STAG1: variants seen among roughly 807,000 people sequenced by gnomAD.
The protein encoded by STAG1 is cohesin subunit SA-1.
In STAG1, 26 loss-of-function variants were observed where a neutral mutation model predicts 170.9. The ratio of observed to expected loss-of-function variants is 0.15; its 90% CI spans 0.11 to 0.21. The LOEUF is 0.21. Ranked by LOEUF, STAG1 falls within the 10% of genes least tolerant of loss-of-function variation. The pLI, the probability that STAG1 is intolerant of heterozygous loss-of-function variation, is 1.00. For synonymous variants in STAG1, 514 were observed against 497.7 expected, an observed-to-expected ratio of 1.03 and a Z score of -0.44; for missense variants, 964 against 1,509.5, an observed-to-expected ratio of 0.64 and a Z score of 5.99.
At chr3:136,580,431 A>C (rs1937566400) in intron 4 of STAG1, among the ~76,000 whole-genome samples, 1 of 152,190 alleles carries the variant, frequency 6.6e-6, no homozygotes, top group Non-Finnish European at 1.5e-5. Flanking sequence ...CTAAACAGTA[A>C]AAAGGTGGCT....
intron 1 of STAG1, among the ~76,000 whole-genome samples, chr3:136,741,613 C>T (rs971120279): frequency 6.6e-6 from 1 of 152,130 alleles, no homozygotes; most frequent in South Asian, 2.1e-4. Context: ...GGATTACAGG[C>T]GCCCACCACA....
At chr3:136,403,718 T>C (rs1285436930) in intron 21 of STAG1, among the ~76,000 whole-genome samples, 1 of 152,212 alleles carries the variant, frequency 6.6e-6, no homozygotes, top group Non-Finnish European at 1.5e-5. Context: ...TATCACTTCC[T>C]TTCCTTCTAC....
At chr3:136,457,167 G>A (rs928304649) in intron 13 of STAG1, among the ~76,000 whole-genome samples, 3 of 152,106 alleles carry the variant, frequency 2.0e-5, no homozygotes, top group Admixed American at 6.5e-5. Flanking sequence ...CTGTGCCAAA[G>A]GGTGGAAGGC....
At chr3:136,493,488 C>T (rs1467694531) in intron 9 of STAG1, among the ~76,000 whole-genome samples, 1 of 151,714 alleles carries the variant, frequency 6.6e-6, no homozygotes, top group Admixed American at 6.6e-5. Flanking sequence ...AACCCTGACT[C>T]TACAAAAATA....
At position 136,634,874 on chromosome 3, in the gene STAG1, G is replaced by A. The variant is rs1313834961; in HGVS notation, c.-83-3893C>T. Among the ~76,000 whole-genome samples, 5 of 151,974 alleles carry A rather than the reference G, an allele frequency of 3.3e-5. No individual in the cohort carries two copies. The South Asian group carries it at 6.2e-4, about 19-fold the overall frequency. ...CAAAAGAATACGGTAAACAACATAT[G>A]TCCACAAATTTAGTAACATATTAAA... is the stretch of plus-strand genomic sequence containing the variant. On this transcript the variant is annotated intron_variant, in intron 1 of 33. Transcript: ENST00000383202.
intron 1 of STAG1, among the ~76,000 whole-genome samples, chr3:136,647,984 T>C (rs1484644364): frequency 6.6e-6 from 1 of 152,246 alleles, no homozygotes; most frequent in African/African-American, 2.4e-5. Context: ...TTTATAGATA[T>C]ATACTACAGT....
chr3:136,477,509 T>C (rs539300423), intron 9 of STAG1, 97 bp from the exon 10 acceptor site: 24 of 1,125,030 alleles, frequency 2.1e-5, no homozygotes, highest in Middle Eastern at 3.1e-4. Flanking sequence ...CTAATGCTGT[T>C]TGTATATATT....
At chr3:136,390,904 T>C (rs1052635292) in intron 22 of STAG1, among the ~76,000 whole-genome samples, 2 of 152,098 alleles carry the variant, frequency 1.3e-5, no homozygotes, top group Non-Finnish European at 2.9e-5. Context: ...TCTAACACAT[T>C]TGTAGGAATG....
At chr3:136,557,182 G>C (rs2107746380) in intron 5 of STAG1, among the ~76,000 whole-genome samples, 1 of 152,230 alleles carries the variant, frequency 6.6e-6, no homozygotes, top group South Asian at 2.1e-4. Context: ...AGGCTGCAGT[G>C]AGTCAAGATC....
At chr3:136,699,840 G>A (rs1000917980) in intron 1 of STAG1, among the ~76,000 whole-genome samples, 1 of 151,704 alleles carries the variant, frequency 6.6e-6, no homozygotes, top group East Asian at 1.9e-4. Flanking sequence ...TATACAAAAC[G>A]ATCACTTCCA....
At chr3:136,562,619 C>T in intron 5 of STAG1, among the ~76,000 whole-genome samples, 1 of 152,024 alleles carries the variant, frequency 6.6e-6, no homozygotes, top group Non-Finnish European at 1.5e-5. Flanking sequence ...CAGAGTTTTG[C>T]TCCTGTTGCC....
chr3:136,473,149 A>G (rs1027072819), intron 11 of STAG1, among the ~76,000 whole-genome samples: 18 of 152,134 alleles, frequency 1.2e-4, no homozygotes, highest in African/African-American at 4.3e-4. Flanking sequence ...CCTTATGAGA[A>G]TCTAATGCCT....
At chr3:136,740,654 T>C (rs1934618334) in intron 1 of STAG1, among the ~76,000 whole-genome samples, 1 of 152,126 alleles carries the variant, frequency 6.6e-6, no homozygotes, top group African/African-American at 2.4e-5. Context: ...TAATTTTTTG[T>C]ATTTTTTGTA....
At chr3:136,657,189 C>CTTTTTTTTTTT (rs67826395) in intron 1 of STAG1, among the ~76,000 whole-genome samples, 3 of 92,290 alleles carry the variant, frequency 3.3e-5, no homozygotes, top group East Asian at 3.8e-4. Flanking sequence ...TTCTTTCTTT[C>CTTTTTTTTTTT]TTTTTTTTTT....
In STAG1 at chr3:136,369,778, A is replaced by G. The variant is rs114537935; in HGVS notation, c.2371-496T>C. On this transcript the variant is annotated intron_variant, in intron 23 of 33. Coordinates refer to ENST00000383202, the MANE Select transcript of STAG1 (RefSeq NM_005862.3). Reference sequence around the variant, plus strand: ...TAATGTTAAAAAATGTCAGTGTACTACTGCACAGTGATGTTTCCGTCAATA... The same window carrying G: ...TAATGTTAAAAAATGTCAGTGTACTGCTGCACAGTGATGTTTCCGTCAATA... Among the ~76,000 whole-genome samples the G allele has an allele frequency of 7.1e-3, 1,081 of 152,324 alleles. 15 individuals are homozygous for G. The highest frequency in any genetic ancestry group is 0.024 in the African/African-American group (1,000 of 41,578).
Position 136,338,219 on chromosome 3 carries a change from AAT to A in STAG1, c.*33_*34del, listed in dbSNP as rs761467929. 1.3e-5 allele frequency: 19 copies of A among 1,507,224 alleles called. No individual in the cohort carries two copies. In the African/African-American group the frequency reaches 2.1e-4, roughly 16 times the overall value. 93.4% of individuals were successfully genotyped at this position (1,507,224 alleles called of 1,614,324 possible). A position where few individuals can be genotyped will look rare whatever the true frequency, so the allele number is the denominator to read the frequency against. The stretch of plus-strand genomic sequence containing the variant: ...AGTATATAGGCCTCTAGCTCTAAAT[AAT>A]AGAGTTCCAGATTTGTAAATTTTCT... On this transcript the variant is annotated 3_prime_UTR_variant, in exon 34 of 34. Transcript: ENST00000383202.
chr3:136,396,262 C>T (rs965438040), intron 22 of STAG1, among the ~76,000 whole-genome samples: 5 of 134,030 alleles, frequency 3.7e-5, no homozygotes, highest in African/African-American at 1.1e-4. Flanking sequence ...GTCGCCCAGG[C>T]GGGGGTGCAG....
intron 5 of STAG1, among the ~76,000 whole-genome samples, chr3:136,544,857 C>T (rs1359392188): frequency 6.6e-6 from 1 of 151,998 alleles, no homozygotes; most frequent in South Asian, 2.1e-4. Context: ...CATTGTCTAA[C>T]ACACTTAGCA....
intron 21 of STAG1, among the ~76,000 whole-genome samples, chr3:136,413,924 C>T (rs140734870): frequency 6.6e-6 from 1 of 152,308 alleles, no homozygotes; most frequent in African/African-American, 2.4e-5. Context: ...TAAAGCAAGT[C>T]ACAAAACCTT....
Sources: gnomAD v4.1 joint callset for allele counts (sites outside exome capture counted in the v4.1 genomes callset) on GRCh38, gnomAD v4.1.1 for gene constraint, MANE v1.5 for transcripts, NCBI Gene and HGNC (gene_info 2026-07-23, HGNC 2026-07-21) for gene names.